Variants in MYO18A observed in about 807,000 individuals in gnomAD.
The protein encoded by MYO18A is unconventional myosin-XVIIIa.
Under a neutral mutation model 235.8 loss-of-function variants are expected in MYO18A, and 78 were observed. That is an observed-to-expected ratio of 0.33 (90% CI 0.28 to 0.40). MYO18A has a LOEUF of 0.40. Ranked by LOEUF, MYO18A falls within the 10% of genes least tolerant of loss-of-function variation. The probability of loss-of-function intolerance (pLI) is 1.00; values close to 1 mark genes in which losing one functional copy is unlikely to be tolerated. For missense variants in MYO18A, 2,215 were observed against 2,699.3 expected (o/e 0.82, Z 3.98); for synonymous variants, 977 against 1,077.8 (o/e 0.91, Z 1.83).
chr17:29,111,407 G>C lies in MYO18A; in HGVS notation c.2900+17C>G. On this transcript the variant is annotated intron_variant, in intron 17 of 41. Transcript: ENST00000527372. This position sits in a 1 kb window ranked among gnomAD's most constrained non-coding sequence, Gnocchi z 5.1. ...GTCCTGGGTACAGAACAGGGGCGGA[G>C]GGAGTGGTGGTCTTACTTCTGGGAG... The C allele has an allele frequency of 6.2e-7, 1 of 1,610,258 alleles. No individual in the cohort carries two copies. The highest frequency in any genetic ancestry group is 8.5e-7 in the Non-Finnish European group (1 of 1,178,486).
intron 2 of MYO18A, among the ~76,000 whole-genome samples, chr17:29,129,360 C>T (rs547625245): frequency 2.0e-5 from 3 of 152,212 alleles, no homozygotes; most frequent in Non-Finnish European, 4.4e-5. Flanking sequence ...GTGTATAGCC[C>T]TCAAGCAGCC....
intron 1 of MYO18A, among the ~76,000 whole-genome samples, chr17:29,169,678 A>G (rs2068359121): frequency 6.6e-6 from 1 of 152,122 alleles, no homozygotes; most frequent in South Asian, 2.1e-4. Context: ...CTCCAGGGGC[A>G]CTTGTGGAAG....
At chr17:29,146,108 A>T (rs569768183) in intron 2 of MYO18A, among the ~76,000 whole-genome samples, 3 of 152,188 alleles carry the variant, frequency 2.0e-5, no homozygotes, top group Admixed American at 1.3e-4. Context: ...AAATACAAAA[A>T]TTAGCCAGGC....
intron 2 of MYO18A, among the ~76,000 whole-genome samples, chr17:29,141,634 C>A (rs1165099548): frequency 6.6e-6 from 1 of 152,242 alleles, no homozygotes; most frequent in Non-Finnish European, 1.5e-5. Flanking sequence ...CTGCCTCCTA[C>A]CTGCCATGCG....
intron 41 of MYO18A, chr17:29,080,150 G>C (rs1324934414): frequency 8.1e-6 from 8 of 985,910 alleles, no homozygotes; most frequent in African/African-American, 1.7e-5. Flanking sequence ...CGCTCCGGGG[G>C]GTCCAGTTGG....
Position 29,072,092 on chromosome 17 carries a change from G to C in MYO18A, c.*2678C>G. On this transcript the variant is annotated 3_prime_UTR_variant, in exon 42 of 42. Transcript: ENST00000527372. ...AACAGATTTGGGAATTCATCTAAAG[G>C]TGGCAGGGAGTTTGTCACACTAGTC... 1 of 152,200 alleles carries C rather than the reference G, an allele frequency of 6.6e-6. No individual in the cohort carries two copies. Among genetic ancestry groups the C allele is most frequent in the East Asian group, 1.9e-4 (1 of 5,178 alleles). 9.4% of individuals were successfully genotyped at this position (152,200 alleles called of 1,614,324 possible).
Position 29,098,234 on chromosome 17 carries a change from G to A in MYO18A, c.3871-10C>T. On this transcript the variant is annotated splice_polypyrimidine_tract_variant and intron_variant, in intron 24 of 41. Transcript: ENST00000527372. ...ATGTCAGCTCTGAGATCTGGGGTTG[G>A]GGGTAGGGAGTCACCACCAGTTGAA... 6.2e-7 allele frequency: 1 copy of A among 1,613,852 alleles called. No individual in the cohort carries two copies. Among genetic ancestry groups the A allele is most frequent in the South Asian group, 1.1e-5 (1 of 91,082 alleles).
intron 2 of MYO18A, among the ~76,000 whole-genome samples, chr17:29,130,172 A>G (rs1196862021): frequency 6.6e-6 from 1 of 152,032 alleles, no homozygotes; most frequent in Admixed American, 6.6e-5. Context: ...GTGTGTGCCT[A>G]TAGTCCCAGC....
chr17:29,165,977 G>C lies in MYO18A; in HGVS notation c.964C>G (p.Arg322Gly). 6.2e-7 allele frequency: 1 copy of C among 1,613,342 alleles called. No homozygotes were observed. Among genetic ancestry groups the C allele is most frequent in the Non-Finnish European group, 8.5e-7 (1 of 1,179,814 alleles). ...ELSELSRSWL[R>G]SGEGPRREPS... ...TCCCTGCGAGGTCCCTCGCCGCTCC[G>C]CAGCCAGCTCCTGCTGAGCTCGCTG... Residue 322 changes from arginine to glycine, a missense_variant, in exon 2 of 42, where the codon CGG becomes GGG. By Grantham distance (125) the Arg-to-Gly change is moderately radical. Coordinates refer to ENST00000527372, the MANE Select transcript of MYO18A (RefSeq NM_078471.4).
intron 21 of MYO18A, 49 bp downstream of exon 21, chr17:29,103,550 C>G: frequency 6.3e-7 from 1 of 1,589,126 alleles, no homozygotes; most frequent in Non-Finnish European, 8.6e-7. Flanking sequence ...AGCCACCTGA[C>G]AGGGGCCCCT....
Position 29,071,474 on chromosome 17 carries a change from G to A in MYO18A, c.*3296C>T, listed in dbSNP as rs1319257778. 6.6e-6 allele frequency: 1 copy of A among 152,220 alleles called. No individual in the cohort carries two copies. Among genetic ancestry groups the A allele is most frequent in the Non-Finnish European group, 1.5e-5 (1 of 68,058 alleles). The allele number at this position is 152,220 out of a possible 1,614,324, so 9.4% of individuals were successfully genotyped here. A position where few individuals can be genotyped will look rare whatever the true frequency, so the allele number is the denominator to read the frequency against. ...TCAACTGAAACTTGGAGAAGCACTGGTCATGTGACAATGCACAGCCAGCCT... is the reference window on the plus strand; with the variant it reads ...TCAACTGAAACTTGGAGAAGCACTGATCATGTGACAATGCACAGCCAGCCT... On this transcript the variant is annotated 3_prime_UTR_variant, in exon 42 of 42. Transcript: ENST00000527372.
At chr17:29,148,735 G>GTTA (rs1001842693) in intron 2 of MYO18A, among the ~76,000 whole-genome samples, 6 of 152,144 alleles carry the variant, frequency 3.9e-5, no homozygotes, top group African/African-American at 1.4e-4. Context: ...ATTCTGAAGG[G>GTTA]TTATAGGGCA....
At chr17:29,100,484 G>C (rs1216323783) in intron 21 of MYO18A, among the ~76,000 whole-genome samples, 1 of 152,220 alleles carries the variant, frequency 6.6e-6, no homozygotes, top group African/African-American at 2.4e-5. Context: ...ACAGGTTTGG[G>C]GGCTGGAGGG....
rs1329414528 is a variant in MYO18A at position 29,098,191 on chromosome 17, G to A, written c.3904C>T (p.Arg1302Cys). Residue 1302 changes from arginine to cysteine, a missense_variant, in exon 25 of 42, where the codon CGT becomes TGT. Physicochemically the swap from Arg to Cys is radical, Grantham distance 180 (BLOSUM62 -3). Coordinates refer to ENST00000527372, the MANE Select transcript of MYO18A (RefSeq NM_078471.4). ...TGGGAGGCGGACTCTCCTGTGTTAC[G>A]CTCATCTGTCAGCTCCGATGTCAGC... is the stretch of plus-strand genomic sequence containing the variant. Reference protein sequence around the residue: ...SELTSELTDERNTGESASQLL... With the variant: ...SELTSELTDECNTGESASQLL... 5.0e-6 allele frequency: 8 copies of A among 1,613,958 alleles called. No homozygotes were observed. The Admixed American group carries it at 5.0e-5, about 10-fold the overall frequency.
At chr17:29,098,527 G>A (rs890533369) in intron 23 of MYO18A, 82 bp from the exon 24 acceptor site, 17 of 1,479,644 alleles carry the variant, frequency 1.1e-5, no homozygotes, top group African/African-American at 9.7e-5. Context: ...TGTAGTGAAC[G>A]AAGCTGATGA....
At chr17:29,103,420 C>A (rs1386169020) in intron 21 of MYO18A, among the ~76,000 whole-genome samples, 179 bp downstream of exon 21, 1 of 152,252 alleles carries the variant, frequency 6.6e-6, no homozygotes, top group African/African-American at 2.4e-5. Context: ...CTCCCTGGCC[C>A]CTGGCCCTGA....
At chr17:29,105,042 T>C (rs1226029438) in intron 20 of MYO18A, among the ~76,000 whole-genome samples, 2 of 151,678 alleles carry the variant, frequency 1.3e-5, no homozygotes, top group Admixed American at 6.6e-5. Flanking sequence ...TAGCTGGGCA[T>C]GGGCCTGTAG....
chr17:29,080,753 A>G, intron 41 of MYO18A: 1 of 985,470 alleles, frequency 1.0e-6, no homozygotes, highest in Middle Eastern at 5.2e-4. Flanking sequence ...CCGGTCCCCG[A>G]GCGGACGGAG....
In MYO18A at chr17:29,121,160, A is replaced by G; in HGVS notation, c.1423T>C (p.Tyr475His). Residue 475 changes from tyrosine to histidine, a missense_variant, in exon 6 of 42, where the codon TAT becomes CAT. Coordinates refer to ENST00000527372, the MANE Select transcript of MYO18A (RefSeq NM_078471.4). This position sits in a 1 kb window ranked among gnomAD's most constrained non-coding sequence, Gnocchi z 4.2. The part of the protein sequence containing the change: ...CRREDMAPHI[Y>H]AVAQTAYRAM... ...CTGTATGCGGTCTGGGCCACTGCAT[A>G]GATGTGGGGTGCCATGTCCTCCCGC... 1 of 1,610,762 alleles carries G rather than the reference A, an allele frequency of 6.2e-7. No individual in the cohort carries two copies. The highest frequency in any genetic ancestry group is 1.1e-5 in the South Asian group (1 of 90,216).
Sources: gnomAD v4.1 joint callset for allele counts (sites outside exome capture counted in the v4.1 genomes callset) on GRCh38, gnomAD v4.1.1 for gene constraint, Gnocchi (gnomAD v3.1) non-coding constraint, MANE v1.5 for transcripts, NCBI Gene and HGNC (gene_info 2026-07-23, HGNC 2026-07-21) for gene names.